HOOK1: variants seen among roughly 807,000 people sequenced by gnomAD.
HOOK1 encodes the protein protein Hook homolog 1.
HOOK1 carries 60 observed loss-of-function variants against 112.8 expected under a neutral mutation model. The ratio of observed to expected loss-of-function variants is 0.53; its 90% confidence interval spans 0.43 to 0.66. The LOEUF is 0.66. Ranked by LOEUF, HOOK1 falls within the 30% of genes least tolerant of loss-of-function variation. The pLI is 0.00. For missense variants in HOOK1, 770 were observed against 856.0 expected, an observed-to-expected ratio of 0.90 and a Z score of 1.25; for synonymous variants, 294 against 283.8, an observed-to-expected ratio of 1.04 and a Z score of -0.36.
intron 5 of HOOK1, among the ~76,000 whole-genome samples, chr1:59,834,400 T>C (rs1029538972): frequency 6.6e-6 from 1 of 152,188 alleles, no homozygotes; most frequent in African/African-American, 2.4e-5. Flanking sequence ...AATTGTAGTT[T>C]ATCAATTATA....
intron 9 of HOOK1, among the ~76,000 whole-genome samples, chr1:59,845,263 G>A (rs765402204): frequency 6.9e-4 from 105 of 151,952 alleles, no homozygotes; most frequent in Non-Finnish European, 1.4e-3. Context: ...CTTCCCAAAC[G>A]GCCCCACCTC....
At chr1:59,851,115 T>A (rs78513412) in intron 12 of HOOK1, among the ~76,000 whole-genome samples, 11,874 of 151,372 alleles carry the variant, frequency 0.078, 511 homozygotes, top group African/African-American at 0.12. Context: ...AAAGGGTGAG[T>A]TTTCAAACTT....
intron 1 of HOOK1, among the ~76,000 whole-genome samples, chr1:59,820,023 T>A (rs1004839951): frequency 6.6e-6 from 1 of 152,346 alleles, no homozygotes; most frequent in East Asian, 1.9e-4. Flanking sequence ...ATAAAGCTAC[T>A]CTGTGTCACT....
intron 4 of HOOK1, 31 bp downstream of exon 4, chr1:59,832,244 CATCATGCT>C: frequency 7.4e-7 from 1 of 1,343,632 alleles, no homozygotes; most frequent in Non-Finnish European, 1.0e-6. Flanking sequence ...TGTTTAAATG[CATCATGCT>C]ATACGAAAAT....
At chr1:59,841,660 C>A (rs1185968949) in intron 8 of HOOK1, among the ~76,000 whole-genome samples, 1 of 151,994 alleles carries the variant, frequency 6.6e-6, no homozygotes, top group Non-Finnish European at 1.5e-5. Context: ...ATCATATTCA[C>A]CCTGTAAAAT....
rs1305079284 is a variant in HOOK1 at position 59,843,423 on chromosome 1, G to T, written c.622-9G>T. 1 of 1,591,496 alleles carries T rather than the reference G, an allele frequency of 6.3e-7. No homozygotes were observed. Among genetic ancestry groups the T allele is most frequent in the Non-Finnish European group, 8.6e-7 (1 of 1,168,634 alleles). Reference sequence around the variant, plus strand: ...TACTGGTGCTTATGTATGTGTATTTGTTTCTTAGGTGACTACACTTCAAGA... The same window carrying T: ...TACTGGTGCTTATGTATGTGTATTTTTTTCTTAGGTGACTACACTTCAAGA... On this transcript the variant is annotated splice_polypyrimidine_tract_variant and intron_variant, in intron 8 of 21. Transcript: ENST00000371208.
At chr1:59,815,839 T>G (rs1419839578) in intron 1 of HOOK1, among the ~76,000 whole-genome samples, 1 of 152,118 alleles carries the variant, frequency 6.6e-6, no homozygotes, top group Non-Finnish European at 1.5e-5. Flanking sequence ...GGACAGCATT[T>G]TCTTTAAAGA....
chr1:59,856,612 G>A (rs2098410919), intron 12 of HOOK1, among the ~76,000 whole-genome samples: 1 of 151,658 alleles, frequency 6.6e-6, no homozygotes, highest in African/African-American at 2.4e-5. Flanking sequence ...TATTGTTGTT[G>A]CTGTTTGTTT....
chr1:59,870,526 A>G (rs1644040080), intron 20 of HOOK1, among the ~76,000 whole-genome samples: 2 of 152,238 alleles, frequency 1.3e-5, no homozygotes, highest in South Asian at 2.1e-4. Flanking sequence ...CTGGTACTCA[A>G]GAAAAGTATG....
chr1:59,816,266 A>C (rs1398510372), intron 1 of HOOK1, among the ~76,000 whole-genome samples: 1 of 152,240 alleles, frequency 6.6e-6, no homozygotes, highest in East Asian at 1.9e-4. Flanking sequence ...AATTTAAAGC[A>C]TTTACACTTT....
At chr1:59,815,234 C>T in intron 1 of HOOK1, 54 bp downstream of exon 1, 1 of 1,505,902 alleles carries the variant, frequency 6.6e-7, no homozygotes, top group Non-Finnish European at 8.9e-7. Context: ...GGCGAGGAGC[C>T]TGGGGCGCCC....
rs1293899922 is a variant in HOOK1, at chr1:59,874,979, A to G, written c.*2014A>G. ...ATATTGTTGAGTTTCATTTTCATAT[A>G]TTCTTGTAGTGTCTGCTTGCCTGTG... On this transcript the variant is annotated 3_prime_UTR_variant, in exon 22 of 22. Transcript: ENST00000371208. 6.6e-6 allele frequency: 1 copy of G among 152,582 alleles called. No homozygotes were observed. The highest frequency in any genetic ancestry group is 1.5e-5 in the Non-Finnish European group (1 of 68,002). 9.5% of individuals were successfully genotyped at this position (152,582 alleles called of 1,614,324 possible).
At position 59,865,241 on chromosome 1, in the gene HOOK1, A is replaced by G. The variant is rs753925387; in HGVS notation, c.1740A>G (p.Gln580=). The G allele has an allele frequency of 4.4e-6, 7 of 1,581,116 alleles. No individual in the cohort carries two copies. The highest frequency in any genetic ancestry group is 6.1e-6 in the Non-Finnish European group (7 of 1,149,908). ...AAGATCTTCAGCCAGATATAAATCAAAATGGTAGGTATCTGTGAAAACTTG... is the reference window on the plus strand; with the variant it reads ...AAGATCTTCAGCCAGATATAAATCAGAATGGTAGGTATCTGTGAAAACTTG... The part of the protein sequence containing the change: ...LIEDLQPDIN[Q]NVQKINELEA... The change falls in exon 18 of 22, where the codon CAA becomes CAG. Residue 580 remains glutamine, a synonymous_variant. Coordinates refer to ENST00000371208, the MANE Select transcript of HOOK1 (RefSeq NM_015888.6).
intron 2 of HOOK1, among the ~76,000 whole-genome samples, chr1:59,826,763 ATTC>A (rs769542583): frequency 5.9e-5 from 9 of 152,180 alleles, no homozygotes; most frequent in Non-Finnish European, 1.0e-4. Context: ...ACACATGCAG[ATTC>A]TTTTTCTTTT....
At chr1:59,855,995 T>A (rs1213375021) in intron 12 of HOOK1, among the ~76,000 whole-genome samples, 33 of 129,098 alleles carry the variant, frequency 2.6e-4, no homozygotes, top group Non-Finnish European at 4.6e-4. Context: ...TTTTTTTTTT[T>A]TTTTTTTTTT....
chr1:59,862,917 G>T (rs2098414374), intron 16 of HOOK1, 40 bp downstream of exon 16: 1 of 1,167,562 alleles, frequency 8.6e-7, no homozygotes, highest in East Asian at 2.4e-5. Context: ...GCTGTGTATG[G>T]CTTTTCTTTA....
At chr1:59,817,142 G>T (rs755823976) in intron 1 of HOOK1, among the ~76,000 whole-genome samples, 15 of 152,156 alleles carry the variant, frequency 9.9e-5, no homozygotes, top group South Asian at 2.1e-4. Context: ...TTCTCTGTAT[G>T]TATAAACTTG....
chr1:59,849,101 C>T lies in HOOK1; in HGVS notation c.1160C>T (p.Ser387Phe). Residue 387 changes from serine (S) to phenylalanine (F), a missense_variant, in exon 12 of 22, where the codon TCC (serine) becomes TTC (phenylalanine). By Grantham distance (155) the Ser-to-Phe change is radical (BLOSUM62 -2). Transcript: ENST00000371208. ...CAAGATCTTCATGTTAAACTTTCCT[C>T]CGAATCCAAGAGGGCAGACACACTA... ...QVQDLHVKLS[S>F]ESKRADTLAF... 6.2e-7 allele frequency: 1 copy of T among 1,607,760 alleles called. No homozygotes were observed. The highest frequency in any genetic ancestry group is 8.5e-7 in the Non-Finnish European group (1 of 1,176,070).
chr1:59,845,368 T>C (rs944613584), intron 9 of HOOK1, among the ~76,000 whole-genome samples: 1 of 152,028 alleles, frequency 6.6e-6, no homozygotes, highest in Admixed American at 6.6e-5. Flanking sequence ...AATAGAACTT[T>C]ACATCTTCCT....
Sources: gnomAD v4.1 joint callset for allele counts (sites outside exome capture counted in the v4.1 genomes callset) on GRCh38, gnomAD v4.1.1 for gene constraint, MANE v1.5 for transcripts, NCBI Gene and HGNC (gene_info 2026-07-23, HGNC 2026-07-21) for gene names.